The following FGD1 variants were observed in gnomAD, a reference collection of about 807,000 sequenced individuals.
The protein encoded by FGD1 is FYVE, RhoGEF and PH domain containing 1.
FGD1 carries 12 observed loss-of-function variants against 65.0 expected under a neutral mutation model. That is an observed-to-expected ratio of 0.18 (90% CI 0.12 to 0.30). The LOEUF (loss-of-function observed/expected upper bound fraction) is 0.30. FGD1 is among the 10% of genes least tolerant of loss of function. FGD1 has a pLI of 1.00. For synonymous variants in FGD1, 333 were observed against 343.9 expected (o/e 0.97, Z 0.35); for missense variants, 542 against 837.6 (o/e 0.65, Z 4.36).
chrX:54,463,642 AC>A (rs1922689283), intron 8 of FGD1, among the ~76,000 whole-genome samples: 2 of 110,950 alleles, frequency 1.8e-5, no homozygotes, highest in African/African-American at 6.6e-5. Flanking sequence ...CCTCATTTCT[AC>A]CATTCTACTC....
intron 12 of FGD1, among the ~76,000 whole-genome samples, chrX:54,454,284 A>G (rs1039669832): frequency 9.0e-6 from 1 of 111,645 alleles, no homozygotes; most frequent in African/African-American, 3.3e-5. Context: ...AGCATGTTAC[A>G]GTTGTACTGA....
At chrX:54,471,291 T>C (rs748641203) in intron 2 of FGD1, 23 bp downstream of exon 2, 1 of 1,208,398 alleles carries the variant, frequency 8.3e-7, no homozygotes, top group Admixed American at 2.2e-5. Flanking sequence ...GCCACTTCTC[T>C]GCTCTTTTCC....
intron 1 of FGD1, among the ~76,000 whole-genome samples, chrX:54,480,034 T>G (rs1243921235): frequency 8.9e-6 from 1 of 112,461 alleles, no homozygotes; most frequent in Non-Finnish European, 1.9e-5. Flanking sequence ...CTTCTCAACA[T>G]AAGGACTCTG....
chrX:54,461,549 C>T (rs1437903544), intron 8 of FGD1, among the ~76,000 whole-genome samples: 1 of 91,998 alleles, frequency 1.1e-5, no homozygotes, highest in Non-Finnish European at 2.1e-5. Flanking sequence ...TGCCGTGAGC[C>T]GAGATCGCGC....
chrX:54,453,343 T>A (rs1397590517), intron 12 of FGD1, among the ~76,000 whole-genome samples: 3 of 111,631 alleles, frequency 2.7e-5, no homozygotes, highest in Non-Finnish European at 5.6e-5. Flanking sequence ...CAGCCAGTCA[T>A]TTCTCACTTT....
At chrX:54,478,673 T>A (rs1923073561) in intron 1 of FGD1, among the ~76,000 whole-genome samples, 1 of 110,920 alleles carries the variant, frequency 9.0e-6, no homozygotes, top group Admixed American at 9.7e-5. Context: ...GGGGAGCCTA[T>A]GGGACAAGGA....
Position 54,462,854 on chromosome X carries a change from T to A in FGD1, c.1636+2597A>T, listed in dbSNP as rs1365319114. 6.8e-5 allele frequency among the ~76,000 whole-genome samples: 7 copies of A among 103,678 alleles called. No individual in the cohort carries two copies. The Admixed American group carries it at 7.6e-4, about 11-fold the overall frequency. 90.0% of individuals were successfully genotyped at this position (103,678 alleles called of 115,157 possible). ...ACCTCGGCTCACTGCAACTTCTGCC[T>A]CCCGGGTTCAAGTGGTTCTACTGCC... On this transcript the variant is annotated intron_variant, in intron 8 of 17. Transcript: ENST00000375135.
Position 54,470,727 on chromosome X carries a change from C to T in FGD1, c.515G>A (p.Arg172Gln), listed in dbSNP as rs1342329216. The change falls in exon 3 of 18, where the codon CGG (arginine) becomes CAG (glutamine). Residue 172 changes from arginine to glutamine, a missense_variant. Coordinates refer to ENST00000375135, the MANE Select transcript of FGD1 (RefSeq NM_004463.3). ...PPKPSYLQMP[R>Q]MPPPLEPIPP... ...GATGGGCTCCAGTGGGGGGGGCATCCGGGGCATCTGCAGGTAGCTGGGCTT... is the reference window on the plus strand; with the variant it reads ...GATGGGCTCCAGTGGGGGGGGCATCTGGGGCATCTGCAGGTAGCTGGGCTT... 2 of 764,418 alleles carry T rather than the reference C, an allele frequency of 2.6e-6. No individual in the cohort carries two copies. Among genetic ancestry groups the T allele is most frequent in the South Asian group, 4.0e-5 (1 of 24,807 alleles). The allele number at this position is 764,418 out of a possible 1,213,427, so 63.0% of individuals were successfully genotyped here.
chrX:54,455,787 A>G lies in FGD1; in HGVS notation c.1843-3T>C, dbSNP rs375389604. The G allele has an allele frequency of 2.8e-5, 33 of 1,172,219 alleles. No homozygotes were observed. The African/African-American group carries it at 5.1e-4, about 18-fold the overall frequency. On this transcript the variant is annotated splice_polypyrimidine_tract_variant and splice_region_variant and intron_variant, in intron 10 of 17. Transcript: ENST00000375135. Reference sequence around the variant, plus strand: ...CAGTAAAGGAGGCGGTCGTTGAACTAGGAAGGAAAAAGTTTGGGATGTATG... The same window carrying G: ...CAGTAAAGGAGGCGGTCGTTGAACTGGGAAGGAAAAAGTTTGGGATGTATG...
intron 1 of FGD1, among the ~76,000 whole-genome samples, chrX:54,482,236 G>GCGCGCACACACACACACA (rs796491256): frequency 1.0e-4 from 10 of 99,367 alleles, no homozygotes; most frequent in African/African-American, 3.5e-4. Context: ...GCACACGCGC[G>GCGCGCACACACACACACA]CACACACACA....
At chrX:54,471,578 A>G in intron 1 of FGD1, 91 bp from the exon 2 acceptor site, 1 of 871,404 alleles carries the variant, frequency 1.1e-6, no homozygotes, top group Non-Finnish European at 1.6e-6. Context: ...CTTAGCAGCT[A>G]TCTGGGGTAT....
chrX:54,456,584 G>T lies in FGD1; in HGVS notation c.1637-17C>A. On this transcript the variant is annotated splice_polypyrimidine_tract_variant and intron_variant, in intron 8 of 17. Coordinates refer to ENST00000375135, the MANE Select transcript of FGD1 (RefSeq NM_004463.3). Reference sequence around the variant, plus strand: ...CCAGAGACTCTACAGGCATAGAGGGGTGAGGTCAGATGGGGGACTAGCAGA... The same window carrying T: ...CCAGAGACTCTACAGGCATAGAGGGTTGAGGTCAGATGGGGGACTAGCAGA... 1 of 1,196,585 alleles carries T rather than the reference G, an allele frequency of 8.4e-7. No individual in the cohort carries two copies. Among genetic ancestry groups the T allele is most frequent in the Non-Finnish European group, 1.1e-6 (1 of 882,811 alleles).
At chrX:54,493,612 CA>C (rs1301407740) in intron 1 of FGD1, among the ~76,000 whole-genome samples, 1 of 111,690 alleles carries the variant, frequency 9.0e-6, no homozygotes, top group Non-Finnish European at 1.9e-5. Flanking sequence ...AAAGCCAATG[CA>C]AAAGTCCTGG....
intron 1 of FGD1, among the ~76,000 whole-genome samples, chrX:54,481,377 T>G (rs1393963902): frequency 9.6e-6 from 1 of 103,724 alleles, no homozygotes; most frequent in Non-Finnish European, 2.0e-5. Flanking sequence ...CACTTTTTAG[T>G]AGAGGATATA....
At chrX:54,453,556 A>G (rs1284240012) in intron 12 of FGD1, among the ~76,000 whole-genome samples, 1 of 111,275 alleles carries the variant, frequency 9.0e-6, no homozygotes, top group African/African-American at 3.3e-5. Flanking sequence ...GTACATAAAT[A>G]TTCTTTTTCT....
intron 1 of FGD1, among the ~76,000 whole-genome samples, chrX:54,481,381 G>T (rs1377776910): frequency 9.7e-6 from 1 of 103,499 alleles, no homozygotes; most frequent in African/African-American, 3.6e-5. Context: ...TTTTAGTAGA[G>T]GATATAAGAT....
intron 12 of FGD1, 62 bp from the exon 13 acceptor site, chrX:54,450,363 A>G: frequency 9.2e-7 from 1 of 1,086,349 alleles, no homozygotes; most frequent in South Asian, 1.8e-5. Context: ...AAGCAATAGG[A>G]GTGGAAGAGC....
rs192740669 is a variant in FGD1, at chrX:54,445,895, A to G, written c.*214T>C. On this transcript the variant is annotated 3_prime_UTR_variant, in exon 18 of 18. Coordinates refer to ENST00000375135, the MANE Select transcript of FGD1 (RefSeq NM_004463.3). ...CCACCCTCCCTGGGGACAGGGATTA[A>G]TAAAAATTGACATCACTGTAGGAAT... 2.8e-3 allele frequency: 1,162 copies of G among 414,277 alleles called. 3 individuals are homozygous for G. Among genetic ancestry groups the G allele is most frequent in the Non-Finnish European group, 3.4e-3 (816 of 239,590 alleles). The allele number at this position is 414,277 out of a possible 1,213,427, so 34.1% of individuals were successfully genotyped here. A position where few individuals can be genotyped will look rare whatever the true frequency, so the allele number is the denominator to read the frequency against.
At chrX:54,471,636 C>G (rs1422569790) in intron 1 of FGD1, 149 bp from the exon 2 acceptor site, 1 of 551,126 alleles carries the variant, frequency 1.8e-6, no homozygotes, top group African/African-American at 2.3e-5. Flanking sequence ...TTCTGGGAAG[C>G]CCCTATCCTA....
Sources: allele counts gnomAD v4.1 joint callset (sites outside exome capture counted in the v4.1 genomes callset), GRCh38; gene constraint gnomAD v4.1.1; transcripts MANE v1.5; gene names NCBI Gene and HGNC (gene_info 2026-07-23, HGNC 2026-07-21).